The following TMEM135 variants were observed in gnomAD, a reference collection of about 807,000 sequenced individuals.
TMEM135 encodes peroxisomal membrane protein 52.
TMEM135 carries 30 observed loss-of-function variants against 60.3 expected under a neutral mutation model. The observed-to-expected ratio is 0.50, with a 90% CI of 0.37 to 0.68. The LOEUF is 0.68. TMEM135 is among the 30% of genes least tolerant of loss of function. The probability of loss-of-function intolerance (pLI) is 0.00; values close to 1 mark genes in which losing one functional copy is unlikely to be tolerated. For missense variants in TMEM135, 468 were observed against 548.8 expected, an observed-to-expected ratio of 0.85 and a Z score of 1.47; for synonymous variants, 190 against 186.7, an observed-to-expected ratio of 1.02 and a Z score of -0.14.
intron 5 of TMEM135, among the ~76,000 whole-genome samples, chr11:87,210,259 G>A (rs301591): frequency 0.79 from 119,730 of 152,066 alleles, 47,716 homozygotes; most frequent in Non-Finnish European, 0.83. Flanking sequence ...CAGGATTGTT[G>A]TGGCACTAGC....
intron 6 of TMEM135, among the ~76,000 whole-genome samples, chr11:87,244,747 CT>C (rs1411607611): frequency 1.4e-5 from 2 of 147,092 alleles, no homozygotes; most frequent in Non-Finnish European, 3.0e-5. Context: ...CTCTTTTCTT[CT>C]TTATTAGTCT....
rs1294647954 is a variant in TMEM135, at chr11:87,221,799, C to G, written c.463-14839C>G. ...ATCAAAATCATTTTTACTGTTGAAA[C>G]AAAGCTAGCTCAGCATTTAAGTTTT... On this transcript the variant is annotated intron_variant, in intron 5 of 14. Coordinates refer to ENST00000305494, the MANE Select transcript of TMEM135 (RefSeq NM_022918.4). Among the ~76,000 whole-genome samples, 3 of 152,134 alleles carry G rather than the reference C, an allele frequency of 2.0e-5. No homozygotes were observed. In the South Asian group the frequency reaches 6.2e-4, roughly 31 times the overall value.
chr11:87,249,053 A>T (rs1427440027), intron 6 of TMEM135, among the ~76,000 whole-genome samples: 1 of 152,162 alleles, frequency 6.6e-6, no homozygotes, highest in African/African-American at 2.4e-5. Flanking sequence ...AGGATAATTT[A>T]ACTTCTTTGT....
intron 5 of TMEM135, among the ~76,000 whole-genome samples, chr11:87,161,722 G>T (rs1206794980): frequency 6.6e-6 from 1 of 152,080 alleles, no homozygotes; most frequent in Non-Finnish European, 1.5e-5. Context: ...TTTGTCTATT[G>T]TGGCTCTATT....
chr11:87,259,238 G>C (rs1334635959), intron 6 of TMEM135: 1 of 448,500 alleles, frequency 2.2e-6, no homozygotes, highest in Non-Finnish European at 4.2e-6. Flanking sequence ...CCGGGGATAG[G>C]GGTTCCCCTG....
intron 4 of TMEM135, among the ~76,000 whole-genome samples, chr11:87,126,734 A>G (rs11824728): frequency 0.13 from 19,573 of 152,098 alleles, 1,349 homozygotes; most frequent in Middle Eastern, 0.15. Context: ...GAAGTATAGC[A>G]AATGCTATAG....
At chr11:87,171,746 T>C (rs538405924) in intron 5 of TMEM135, among the ~76,000 whole-genome samples, 1 of 152,302 alleles carries the variant, frequency 6.6e-6, no homozygotes, top group African/African-American at 2.4e-5. Flanking sequence ...CCGACCTTTT[T>C]GGCACGAGGG....
At chr11:87,225,831 C>A (rs1426342308) in intron 5 of TMEM135, among the ~76,000 whole-genome samples, 3 of 152,090 alleles carry the variant, frequency 2.0e-5, no homozygotes, top group African/African-American at 7.2e-5. Context: ...AGTACCCTAA[C>A]TTTTGAGTCC....
Position 87,285,758 on chromosome 11 carries a change from T to C in TMEM135, c.510-10024T>C, listed in dbSNP as rs145431074. Among the ~76,000 whole-genome samples the C allele has an allele frequency of 2.3e-3, 343 of 152,362 alleles. 2 individuals carry two copies. The highest frequency in any genetic ancestry group is 4.0e-3 in the Non-Finnish European group (272 of 68,024). On this transcript the variant is annotated intron_variant, in intron 6 of 14. Coordinates refer to ENST00000305494, the MANE Select transcript of TMEM135 (RefSeq NM_022918.4). ...CCGAGCAGGTTGGCACTGCTGACTC[T>C]GGCAGCTTGCTTTTTTCCCCTTATC...
intron 4 of TMEM135, among the ~76,000 whole-genome samples, chr11:87,139,029 T>C (rs1938191492): frequency 6.6e-6 from 1 of 152,230 alleles, no homozygotes; most frequent in South Asian, 2.1e-4. Flanking sequence ...TATTTATTAC[T>C]GGCTTTAGTA....
At chr11:87,240,787 A>G (rs1185858301) in intron 6 of TMEM135, among the ~76,000 whole-genome samples, 3 of 152,286 alleles carry the variant, frequency 2.0e-5, no homozygotes, top group South Asian at 4.1e-4. Flanking sequence ...AAAGTGTATT[A>G]TAACTCCTTC....
chr11:87,052,545 C>CA (rs1406812229), intron 1 of TMEM135, among the ~76,000 whole-genome samples: 1 of 88,606 alleles, frequency 1.1e-5, no homozygotes, highest in African/African-American at 4.5e-5. Flanking sequence ...TTTATGCAGC[C>CA]AAAAAACACA....
At chr11:87,076,274 C>A (rs1327168915) in intron 3 of TMEM135, among the ~76,000 whole-genome samples, 1 of 152,208 alleles carries the variant, frequency 6.6e-6, no homozygotes, top group Non-Finnish European at 1.5e-5. Context: ...CTCTTCCCTC[C>A]CCTTTCCACA....
intron 6 of TMEM135, among the ~76,000 whole-genome samples, chr11:87,258,247 A>C (rs1195755549): frequency 1.3e-5 from 2 of 151,680 alleles, no homozygotes; most frequent in African/African-American, 4.8e-5. Context: ...AAAAATGAGC[A>C]CTGGCTTCTC....
At chr11:87,061,641 TA>T (rs1465414646) in intron 1 of TMEM135, among the ~76,000 whole-genome samples, 1 of 152,192 alleles carries the variant, frequency 6.6e-6, no homozygotes, top group African/African-American at 2.4e-5. Flanking sequence ...TAGAGTTTGG[TA>T]CTAGTAAGGC....
At chr11:87,269,609 C>T (rs1212872814) in intron 6 of TMEM135, among the ~76,000 whole-genome samples, 6 of 150,340 alleles carry the variant, frequency 4.0e-5, no homozygotes, top group Admixed American at 2.0e-4. Context: ...GGTTTTTTGT[C>T]CTTGCGATAG....
At chr11:87,278,850 A>C (rs1410665079) in intron 6 of TMEM135, among the ~76,000 whole-genome samples, 1 of 152,040 alleles carries the variant, frequency 6.6e-6, no homozygotes, top group Non-Finnish European at 1.5e-5. Context: ...GTCGGTTTCT[A>C]TCTCTCCTCT....
Position 87,205,557 on chromosome 11 carries a change from T to C in TMEM135, c.463-31081T>C, listed in dbSNP as rs1254810755. On this transcript the variant is annotated intron_variant, in intron 5 of 14. Coordinates refer to ENST00000305494, the MANE Select transcript of TMEM135 (RefSeq NM_022918.4). ...TAGGGTAGAAGTTTTTCCATTTTTG[T>C]AGAGAGACATAATTATACCAGTTTA... is the stretch of plus-strand genomic sequence containing the variant. Among the ~76,000 whole-genome samples, 5 of 152,166 alleles carry C rather than the reference T, an allele frequency of 3.3e-5. No homozygotes were observed. In the East Asian group the frequency reaches 9.6e-4, roughly 29 times the overall value.
intron 5 of TMEM135, among the ~76,000 whole-genome samples, chr11:87,191,982 CTTTTCTTTT>C (rs1284789843): frequency 2.1e-5 from 2 of 93,990 alleles, no homozygotes; most frequent in Non-Finnish European, 4.0e-5. Flanking sequence ...CTTTTCTTTT[CTTTTCTTTT>C]TTTTTTTTTT....
Sources: allele counts gnomAD v4.1 joint callset (sites outside exome capture counted in the v4.1 genomes callset), GRCh38; gene constraint gnomAD v4.1.1; transcripts MANE v1.5; gene names NCBI Gene and HGNC (gene_info 2026-07-23, HGNC 2026-07-21).